Variants in VPS13B observed in about 807,000 individuals in gnomAD.
VPS13B encodes intermembrane lipid transfer protein VPS13B.
A neutral mutation model predicts 426.4 loss-of-function variants in VPS13B; 285 were observed. The ratio of observed to expected loss-of-function variants is 0.67; its 90% CI spans 0.61 to 0.74. The LOEUF is 0.74. Among genes scored for constraint, VPS13B ranks in the 30% least tolerant of loss-of-function variants. The probability of loss-of-function intolerance (pLI) is 0.00; values close to 1 mark genes in which losing one functional copy is unlikely to be tolerated. For synonymous variants in VPS13B, 1,676 were observed against 1,676.4 expected (o/e 1.00, Z 0.01); for missense variants, 4,537 against 4,782.6 (o/e 0.95, Z 1.51).
intron 39 of VPS13B, among the ~76,000 whole-genome samples, chr8:99,734,608 A>G (rs1833743857): frequency 6.6e-6 from 1 of 152,226 alleles, no homozygotes; most frequent in Non-Finnish European, 1.5e-5. Context: ...TATTCCATAA[A>G]TAAGCACTTT....
intron 54 of VPS13B, among the ~76,000 whole-genome samples, 160 bp downstream of exon 54, chr8:99,835,898 A>G (rs1236296348): frequency 1.3e-5 from 2 of 152,222 alleles, no homozygotes; most frequent in African/African-American, 4.8e-5. Flanking sequence ...TTAAGTTATA[A>G]ATTCTCAAAC....
At chr8:99,483,275 CT>C (rs1165847914) in intron 25 of VPS13B, among the ~76,000 whole-genome samples, 1 of 152,078 alleles carries the variant, frequency 6.6e-6, no homozygotes, top group African/African-American at 2.4e-5. Flanking sequence ...TATTCTTTCT[CT>C]TTTTTCTTTT....
intron 21 of VPS13B, among the ~76,000 whole-genome samples, chr8:99,403,947 T>C (rs530464979): frequency 6.6e-6 from 1 of 152,306 alleles, no homozygotes; most frequent in East Asian, 1.9e-4. Context: ...ATAAGACAGA[T>C]TGCAGACTTT....
chr8:99,225,738 C>A (rs1178385071), intron 17 of VPS13B, among the ~76,000 whole-genome samples: 1 of 152,122 alleles, frequency 6.6e-6, no homozygotes, highest in Admixed American at 6.5e-5. Context: ...GTAATAATAT[C>A]TTTCCAAGTT....
At chr8:99,489,741 G>A (rs547497414) in intron 25 of VPS13B, among the ~76,000 whole-genome samples, 2 of 152,258 alleles carry the variant, frequency 1.3e-5, no homozygotes, top group African/African-American at 4.8e-5. Flanking sequence ...TGTGATTTTT[G>A]CACATTGATT....
chr8:99,393,507 G>T (rs1310530083), intron 21 of VPS13B, among the ~76,000 whole-genome samples: 2 of 151,992 alleles, frequency 1.3e-5, no homozygotes, highest in South Asian at 2.1e-4. Flanking sequence ...AAGGATAATT[G>T]CATTTTATGT....
intron 17 of VPS13B, among the ~76,000 whole-genome samples, chr8:99,198,914 A>G (rs1368470031): frequency 6.6e-6 from 1 of 151,716 alleles, no homozygotes; most frequent in Non-Finnish European, 1.5e-5. Flanking sequence ...GTGCCTTCAA[A>G]TAGTTCTATC....
intron 17 of VPS13B, among the ~76,000 whole-genome samples, chr8:99,260,299 C>T (rs1817974470): frequency 6.6e-6 from 1 of 151,976 alleles, no homozygotes; most frequent in Non-Finnish European, 1.5e-5. Flanking sequence ...TATTTATTGA[C>T]TTTTTTTCCC....
chr8:99,216,932 T>C (rs983940723), intron 17 of VPS13B, among the ~76,000 whole-genome samples: 17 of 152,124 alleles, frequency 1.1e-4, no homozygotes, highest in Non-Finnish European at 4.4e-5. Context: ...ATGTTTTACC[T>C]TAGTGTGTGG....
At chr8:99,770,831 T>C (rs1811453268) in intron 40 of VPS13B, among the ~76,000 whole-genome samples, 1 of 152,102 alleles carries the variant, frequency 6.6e-6, no homozygotes, top group African/African-American at 2.4e-5. Context: ...AGGTGGGGAA[T>C]GGTAGAAGGT....
At chr8:99,750,434 A>C (rs1275196299) in intron 39 of VPS13B, among the ~76,000 whole-genome samples, 1 of 152,060 alleles carries the variant, frequency 6.6e-6, no homozygotes, top group Non-Finnish European at 1.5e-5. Context: ...TATAATATTT[A>C]TCTTTGATCT....
intron 19 of VPS13B, among the ~76,000 whole-genome samples, chr8:99,329,155 A>G (rs1810431086): frequency 6.6e-6 from 1 of 152,110 alleles, no homozygotes; most frequent in South Asian, 2.1e-4. Flanking sequence ...CTTCTAAAGT[A>G]TTCAAAATTG....
At chr8:99,870,991 G>A (rs1817379276) in intron 60 of VPS13B, 104 bp downstream of exon 60, 1 of 1,171,424 alleles carries the variant, frequency 8.5e-7, no homozygotes, top group Admixed American at 2.0e-5. Context: ...GAGCCCAGGA[G>A]TAGCCATTGT....
chr8:99,360,467 C>T (rs1438672352), intron 19 of VPS13B, among the ~76,000 whole-genome samples: 1 of 151,124 alleles, frequency 6.6e-6, no homozygotes, highest in Non-Finnish European at 1.5e-5. Context: ...TTAGTAGAGA[C>T]GGGGTTTCAC....
intron 33 of VPS13B, among the ~76,000 whole-genome samples, chr8:99,590,692 T>C (rs1381402857): frequency 1.3e-5 from 2 of 152,218 alleles, no homozygotes; most frequent in Non-Finnish European, 2.9e-5. Context: ...TGCACTGTGG[T>C]CTGAGAAACA....
intron 54 of VPS13B, among the ~76,000 whole-genome samples, chr8:99,842,051 T>A (rs955699513): frequency 2.0e-5 from 3 of 152,166 alleles, no homozygotes; most frequent in Non-Finnish European, 4.4e-5. Flanking sequence ...TTCCCGCCTT[T>A]CAAAGTCTAA....
chr8:99,263,343 A>G (rs1034939243), intron 17 of VPS13B, among the ~76,000 whole-genome samples: 6 of 152,192 alleles, frequency 3.9e-5, no homozygotes, highest in Admixed American at 1.3e-4. Flanking sequence ...CATAGTTACT[A>G]TTGAATATGA....
At chr8:99,818,358 T>C in intron 45 of VPS13B, 93 bp from the exon 46 acceptor site, 3 of 1,305,328 alleles carry the variant, frequency 2.3e-6, no homozygotes, top group Non-Finnish European at 3.3e-6. Flanking sequence ...TTAAACTCTT[T>C]TTAATCTTCC....
At chr8:99,029,815 G>C (rs9773498) in intron 2 of VPS13B, among the ~76,000 whole-genome samples, 106,446 of 135,356 alleles carry the variant, frequency 0.79, 42,090 homozygotes, top group South Asian at 0.87. Context: ...GAGACGGAGA[G>C]GGAGAGGGAG....
Sources: allele counts gnomAD v4.1 joint callset (sites outside exome capture counted in the v4.1 genomes callset), GRCh38; gene constraint gnomAD v4.1.1; transcripts MANE v1.5; gene names NCBI Gene and HGNC (gene_info 2026-07-23, HGNC 2026-07-21).